Variants in GALNT8 observed in about 807,000 individuals in gnomAD.
GALNT8 encodes the protein polypeptide N-acetylgalactosaminyltransferase 8, also known as probable polypeptide N-acetylgalactosaminyltransferase 8.
In GALNT8, 66 loss-of-function variants were observed where a neutral mutation model predicts 62.7. That is an observed-to-expected ratio of 1.05 (90% CI 0.86 to 1.29). The LOEUF (loss-of-function observed/expected upper bound fraction) is 1.29, where lower values mean the gene tolerates loss of function less well. Ranked by LOEUF, GALNT8 falls within the 50% of genes most tolerant of loss-of-function variation. The pLI, the probability that GALNT8 is intolerant of heterozygous loss-of-function variation, is 0.00. For missense variants in GALNT8, 771 were observed against 791.8 expected, an observed-to-expected ratio of 0.97 and a Z score of 0.32; for synonymous variants, 288 against 294.3, an observed-to-expected ratio of 0.98 and a Z score of 0.22.
At chr12:4,771,624 T>C (rs983762009) in intron 10 of GALNT8, among the ~76,000 whole-genome samples, 1 of 152,094 alleles carries the variant, frequency 6.6e-6, no homozygotes, top group Non-Finnish European at 1.5e-5. Flanking sequence ...ATGAATGTTA[T>C]GCACCCTGAG....
chr12:4,754,344 A>G (rs1946335203), intron 6 of GALNT8, among the ~76,000 whole-genome samples: 1 of 152,116 alleles, frequency 6.6e-6, no homozygotes, highest in Non-Finnish European at 1.5e-5. Flanking sequence ...GTCAGACACT[A>G]AAGTAAAATA....
chr12:4,745,085 TC>T (rs1946290928), intron 4 of GALNT8, among the ~76,000 whole-genome samples: 1 of 152,264 alleles, frequency 6.6e-6, no homozygotes, highest in East Asian at 1.9e-4. Context: ...ATGTGGAGAA[TC>T]AGACAGGAAA....
intron 2 of GALNT8, among the ~76,000 whole-genome samples, chr12:4,733,276 A>C (rs1459451582): frequency 6.6e-6 from 1 of 152,198 alleles, no homozygotes; most frequent in African/African-American, 2.4e-5. Context: ...AGAAAATTCT[A>C]CTGGACAGTG....
intron 6 of GALNT8, among the ~76,000 whole-genome samples, chr12:4,759,630 A>T (rs1457327228): frequency 6.6e-6 from 1 of 151,922 alleles, no homozygotes; most frequent in Non-Finnish European, 1.5e-5. Flanking sequence ...GAAGAAAAGG[A>T]TGAAAACAAT....
At chr12:4,761,873 A>G (rs1946374751) in intron 7 of GALNT8, among the ~76,000 whole-genome samples, 1 of 152,132 alleles carries the variant, frequency 6.6e-6, no homozygotes, top group South Asian at 2.1e-4. Flanking sequence ...TGACAAACTC[A>G]TCCCTCCATC....
At chr12:4,751,174 C>G (rs1004997177) in intron 6 of GALNT8, among the ~76,000 whole-genome samples, 19 of 152,096 alleles carry the variant, frequency 1.2e-4, no homozygotes, top group African/African-American at 4.3e-4. Context: ...TATAAAAACC[C>G]TGGAAGACAA....
chr12:4,755,795 C>CA (rs35429494), intron 6 of GALNT8, among the ~76,000 whole-genome samples: 1 of 152,094 alleles, frequency 6.6e-6, no homozygotes, highest in Non-Finnish European at 1.5e-5. Context: ...TAACTCTTGC[C>CA]AAAAAATGTC....
At position 4,726,890 on chromosome 12, in the gene GALNT8, G is replaced by A; in HGVS notation, c.509+61G>A. The A allele has an allele frequency of 7.0e-7, 1 of 1,428,976 alleles. No homozygotes were observed. Among genetic ancestry groups the A allele is most frequent in the Non-Finnish European group, 9.6e-7 (1 of 1,043,278 alleles). 88.5% of individuals were successfully genotyped at this position (1,428,976 alleles called of 1,614,324 possible). A position where few individuals can be genotyped will look rare whatever the true frequency, so the allele number is the denominator to read the frequency against. ...AGTTTGATTTGAGGATGAGCTTTGG[G>A]AGCAGTGAACATTGAAGGCTGGGGG... On this transcript the variant is annotated intron_variant, in intron 2 of 10. Coordinates refer to ENST00000252318, the MANE Select transcript of GALNT8 (RefSeq NM_017417.2). This position sits in a 1 kb window ranked among gnomAD's most constrained non-coding sequence, Gnocchi z 4.1.
chr12:4,749,910 A>G lies in GALNT8; in HGVS notation c.1173+3652A>G, dbSNP rs1479068920. On this transcript the variant is annotated intron_variant, in intron 6 of 10. Transcript: ENST00000252318. The surrounding 1 kb of genome is among the most constrained non-coding windows in gnomAD (Gnocchi z 4.1). ...ATCTTGAACCAAGTTCAATGTGTCT[A>G]GGAATTTGTCCATTTCTTCTAGATT... 6.6e-6 allele frequency among the ~76,000 whole-genome samples: 1 copy of G among 152,134 alleles called. No homozygotes were observed.
chr12:4,768,555 AT>A (rs1251661650), intron 10 of GALNT8: 1 of 276,632 alleles, frequency 3.6e-6, no homozygotes, highest in Non-Finnish European at 7.2e-6. Flanking sequence ...CAGAAAAGAG[AT>A]TTGGGTTGGC....
intron 3 of GALNT8, among the ~76,000 whole-genome samples, chr12:4,743,203 A>G (rs1482807142): frequency 6.6e-6 from 1 of 152,172 alleles, no homozygotes; most frequent in African/African-American, 2.4e-5. Flanking sequence ...GAAGTGACAC[A>G]GGATGATGTA....
rs1946314103 is a variant in GALNT8 at position 4,749,597 on chromosome 12, G to T, written c.1173+3339G>T. The stretch of plus-strand genomic sequence containing the variant: ...GATTTTTGTGCCAATATTCATCAGA[G>T]ATATTGGCCTGTAGTTTTCTTTTCT... On this transcript the variant is annotated intron_variant, in intron 6 of 10. Transcript: ENST00000252318. The surrounding 1 kb of genome is among the most constrained non-coding windows in gnomAD (Gnocchi z 4.1). Among the ~76,000 whole-genome samples the T allele has an allele frequency of 6.6e-6, 1 of 151,726 alleles. No homozygotes were observed. Among genetic ancestry groups the T allele is most frequent in the South Asian group, 2.1e-4 (1 of 4,822 alleles).
At chr12:4,733,385 T>C (rs1227054367) in intron 2 of GALNT8, among the ~76,000 whole-genome samples, 2 of 152,140 alleles carry the variant, frequency 1.3e-5, no homozygotes, top group Non-Finnish European at 2.9e-5. Context: ...CTCTTTTGAT[T>C]GATATACGGT....
At chr12:4,740,330 GATA>G (rs1449352735) in intron 3 of GALNT8, among the ~76,000 whole-genome samples, 1 of 151,964 alleles carries the variant, frequency 6.6e-6, no homozygotes, top group East Asian at 1.9e-4. Context: ...TATGGATGTT[GATA>G]ATAATAACCA....
chr12:4,752,239 A>G (rs940969780), intron 6 of GALNT8, among the ~76,000 whole-genome samples: 11 of 151,972 alleles, frequency 7.2e-5, no homozygotes, highest in African/African-American at 2.7e-4. Flanking sequence ...AGTTAAGTCC[A>G]TTTACATTCA....
intron 10 of GALNT8, among the ~76,000 whole-genome samples, chr12:4,766,130 T>C (rs545106315): frequency 6.6e-6 from 1 of 152,340 alleles, no homozygotes; most frequent in South Asian, 2.1e-4. Context: ...TGATAGTGTT[T>C]TAGGAGAATT....
At chr12:4,744,340 G>A (rs1460661570) in intron 3 of GALNT8, among the ~76,000 whole-genome samples, 177 bp from the exon 4 acceptor site, 1 of 152,184 alleles carries the variant, frequency 6.6e-6, no homozygotes, top group Non-Finnish European at 1.5e-5. Flanking sequence ...TACACCTCAG[G>A]TGCAAGGGAG....
At chr12:4,748,334 T>C (rs761264781) in intron 6 of GALNT8, among the ~76,000 whole-genome samples, 1 of 152,156 alleles carries the variant, frequency 6.6e-6, no homozygotes, top group Non-Finnish European at 1.5e-5. Context: ...TTTTTTCTTG[T>C]AGTGGTTTCA....
chr12:4,728,976 A>C (rs182681668), intron 2 of GALNT8, among the ~76,000 whole-genome samples: 18 of 152,328 alleles, frequency 1.2e-4, no homozygotes, highest in Non-Finnish European at 2.4e-4. Flanking sequence ...TTTAAAAATT[A>C]GATCTTCCAA....
Sources: gnomAD v4.1 joint callset for allele counts (sites outside exome capture counted in the v4.1 genomes callset) on GRCh38, gnomAD v4.1.1 for gene constraint, Gnocchi (gnomAD v3.1) non-coding constraint, MANE v1.5 for transcripts, NCBI Gene and HGNC (gene_info 2026-07-23, HGNC 2026-07-21) for gene names.